CRPPA: variants seen among roughly 807,000 people sequenced by gnomAD.
The protein encoded by CRPPA is D-ribitol-5-phosphate cytidylyltransferase.
Under a neutral mutation model 52.0 loss-of-function variants are expected in CRPPA, and 43 were observed. The ratio of observed to expected loss-of-function variants is 0.83; its 90% CI spans 0.65 to 1.07. The LOEUF (loss-of-function observed/expected upper bound fraction) is 1.07. CRPPA is among the 50% of genes least tolerant of loss of function. CRPPA has a pLI of 0.00. For synonymous variants in CRPPA, 250 were observed against 203.5 expected, an observed-to-expected ratio of 1.23 and a Z score of -1.94; for missense variants, 629 against 551.7, an observed-to-expected ratio of 1.14 and a Z score of -1.40.
At chr7:16,096,098 T>C (rs1781930308) in intron 9 of CRPPA, among the ~76,000 whole-genome samples, 1 of 152,132 alleles carries the variant, frequency 6.6e-6, no homozygotes, top group African/African-American at 2.4e-5. Flanking sequence ...CGACCAGCCC[T>C]AAGAAAGCTT....
intron 8 of CRPPA, among the ~76,000 whole-genome samples, chr7:16,239,396 G>A (rs1449223048): frequency 1.3e-5 from 2 of 151,282 alleles, no homozygotes; most frequent in Non-Finnish European, 2.9e-5. Context: ...ATATTAAAAG[G>A]CATACTTAAA....
chr7:16,381,380 T>C (rs1787083900), intron 2 of CRPPA, among the ~76,000 whole-genome samples: 1 of 151,988 alleles, frequency 6.6e-6, no homozygotes, highest in Non-Finnish European at 1.5e-5. Flanking sequence ...TTCTGTTCTT[T>C]TACATTTGCT....
rs532275305 is a variant in CRPPA at position 16,089,385 on chromosome 7, T to C, written c.*2310A>G. ...ATACATGCATGTACATATATACGTA[T>C]ATATGTATGTACATAATGTGTATAT... is the stretch of plus-strand genomic sequence containing the variant. On this transcript the variant is annotated 3_prime_UTR_variant, in exon 10 of 10. Transcript: ENST00000407010. The C allele has an allele frequency of 4.7e-4, 156 of 329,236 alleles. 6 individuals carry two copies. Among genetic ancestry groups the C allele is most frequent in the Admixed American group, 1.0e-3 (33 of 31,636 alleles). The allele number at this position is 329,236 out of a possible 1,614,324, so 20.4% of individuals were successfully genotyped here.
intron 9 of CRPPA, among the ~76,000 whole-genome samples, chr7:16,122,384 A>G (rs554114004): frequency 6.6e-6 from 1 of 152,150 alleles, no homozygotes; most frequent in Non-Finnish European, 1.5e-5. Flanking sequence ...GAAAAGAATG[A>G]GAGACACCAC....
At position 16,286,035 on chromosome 7, in the gene CRPPA, AAAAATATAAATATAT is replaced by A. The variant is rs1562608279; in HGVS notation, c.836-7824_836-7810del. 2.5e-3 allele frequency among the ~76,000 whole-genome samples: 47 copies of A among 18,798 alleles called. 2 individuals carry two copies. Among genetic ancestry groups the A allele is most frequent in the African/African-American group, 0.011 (29 of 2,552 alleles). 12.3% of individuals were successfully genotyped at this position (18,798 alleles called of 152,430 possible). A position where few individuals can be genotyped will look rare whatever the true frequency, so the allele number is the denominator to read the frequency against. ...AACTCCATCTCAAAAAAAAAAAAAA[AAAAATATAAATATAT>A]ATATATATATATATATATATATATA... On this transcript the variant is annotated intron_variant, in intron 5 of 9. Transcript: ENST00000407010.
chr7:16,380,790 G>A (rs1583562710), intron 2 of CRPPA, among the ~76,000 whole-genome samples: 1 of 151,994 alleles, frequency 6.6e-6, no homozygotes, highest in South Asian at 2.1e-4. Flanking sequence ...AGGTGTTTGA[G>A]GTATTCTCTG....
chr7:16,346,477 G>A (rs908579123), intron 3 of CRPPA, among the ~76,000 whole-genome samples: 1 of 152,006 alleles, frequency 6.6e-6, no homozygotes, highest in African/African-American at 2.4e-5. Flanking sequence ...GAATGTTACA[G>A]GTTCAGCACC....
At position 16,155,833 on chromosome 7, in the gene CRPPA, A is replaced by G. The variant is rs537794300; in HGVS notation, c.1251+60233T>C. On this transcript the variant is annotated intron_variant, in intron 9 of 9. Coordinates refer to ENST00000407010, the MANE Select transcript of CRPPA (RefSeq NM_001101426.4). ...CCCACATTAGTCAAGGGTCAACTGT[A>G]CAAACTCCTTACTAGGCATGTACAA... is the stretch of plus-strand genomic sequence containing the variant. Among the ~76,000 whole-genome samples the G allele has an allele frequency of 3.3e-5, 5 of 152,312 alleles. 1 individual carries two copies. Among genetic ancestry groups the G allele is most frequent in the East Asian group, 1.9e-4 (1 of 5,184 alleles).
At chr7:16,352,471 GACAT>G (rs1786181732) in intron 3 of CRPPA, among the ~76,000 whole-genome samples, 1 of 150,900 alleles carries the variant, frequency 6.6e-6, no homozygotes, top group Non-Finnish European at 1.5e-5. Context: ...TTTTTCAAAA[GACAT>G]ACAAAGGTCC....
intron 3 of CRPPA, among the ~76,000 whole-genome samples, chr7:16,339,494 A>G (rs971493731): frequency 6.6e-6 from 1 of 152,192 alleles, no homozygotes; most frequent in African/African-American, 2.4e-5. Flanking sequence ...ATAAAAATCC[A>G]ACACCCACTT....
intron 9 of CRPPA, among the ~76,000 whole-genome samples, chr7:16,120,748 A>G (rs900048916): frequency 3.4e-4 from 52 of 152,264 alleles, no homozygotes; most frequent in African/African-American, 1.2e-3. Context: ...ACAAGTATTA[A>G]AATAATATTT....
At chr7:16,361,583 A>G (rs1196304796) in intron 3 of CRPPA, among the ~76,000 whole-genome samples, 1 of 152,214 alleles carries the variant, frequency 6.6e-6, no homozygotes, top group Non-Finnish European at 1.5e-5. Context: ...CCTTAAAGAC[A>G]TGATGCTAAG....
In CRPPA at chr7:16,259,026, A is replaced by AG. The variant is rs1562591843; in HGVS notation, c.934-15_934-14insC. ...GACTTTTACATGCTAGTAGGAAAAAACAGAAATGAATTCACAAATTAGATA... is the reference window on the plus strand; with the variant it reads ...GACTTTTACATGCTAGTAGGAAAAAAGCAGAAATGAATTCACAAATTAGATA... On this transcript the variant is annotated splice_polypyrimidine_tract_variant and intron_variant, in intron 6 of 9. Transcript: ENST00000407010. The AG allele has an allele frequency of 6.4e-7, 1 of 1,574,640 alleles. No homozygotes were observed. The highest frequency in any genetic ancestry group is 1.7e-5 in the Admixed American group (1 of 57,582).
chr7:16,276,600 T>G (rs1000488578), intron 6 of CRPPA: 1 of 152,180 alleles, frequency 6.6e-6, no homozygotes, highest in Non-Finnish European at 1.5e-5. Flanking sequence ...TTTATTCACA[T>G]CGAAGAACTT....
At chr7:16,267,797 G>C (rs1783992224) in intron 6 of CRPPA, among the ~76,000 whole-genome samples, 1 of 151,984 alleles carries the variant, frequency 6.6e-6, no homozygotes, top group Non-Finnish European at 1.5e-5. Flanking sequence ...CCACAGTTAA[G>C]GATTCGAGCG....
chr7:16,305,175 G>C (rs1165446903), intron 4 of CRPPA, among the ~76,000 whole-genome samples: 1 of 151,976 alleles, frequency 6.6e-6, no homozygotes, highest in Non-Finnish European at 1.5e-5. Context: ...TAAATAATTA[G>C]CTATGAAAAT....
At position 16,283,229 on chromosome 7, in the gene CRPPA, T is replaced by C. The variant is rs1177508480; in HGVS notation, c.836-5003A>G. ...CATTTATATTTTATATATGTATAAA[T>C]AGATAGGATCTACTGATCTACCATA... On this transcript the variant is annotated intron_variant, in intron 5 of 9. Coordinates refer to ENST00000407010, the MANE Select transcript of CRPPA (RefSeq NM_001101426.4). Among the ~76,000 whole-genome samples the C allele has an allele frequency of 2.0e-5, 3 of 150,696 alleles. No individual in the cohort carries two copies. The East Asian group carries it at 5.8e-4, about 29-fold the overall frequency.
At chr7:16,401,591 A>G (rs979512243) in intron 2 of CRPPA, among the ~76,000 whole-genome samples, 1 of 152,218 alleles carries the variant, frequency 6.6e-6, no homozygotes, top group African/African-American at 2.4e-5. Flanking sequence ...ATGCAGTCTC[A>G]TTTGAGTCAT....
intron 8 of CRPPA, among the ~76,000 whole-genome samples, chr7:16,221,156 C>A (rs1267189230): frequency 6.6e-6 from 1 of 152,184 alleles, no homozygotes; most frequent in African/African-American, 2.4e-5. Flanking sequence ...CTACAACTAT[C>A]TAATCTTTGA....
Sources: gnomAD v4.1 joint callset for allele counts (sites outside exome capture counted in the v4.1 genomes callset) on GRCh38, gnomAD v4.1.1 for gene constraint, MANE v1.5 for transcripts, NCBI Gene and HGNC (gene_info 2026-07-23, HGNC 2026-07-21) for gene names.